The following CACNA1E variants were observed in gnomAD, a reference collection of about 807,000 sequenced individuals.
CACNA1E encodes the protein calcium voltage-gated channel subunit alpha1 E, also known as voltage-dependent R-type calcium channel subunit alpha-1E.
A neutral mutation model predicts 259.2 loss-of-function variants in CACNA1E; 40 were observed. The observed-to-expected ratio is 0.15, with a 90% CI of 0.12 to 0.20. CACNA1E has a LOEUF of 0.20. Ranked by LOEUF, CACNA1E falls within the 10% of genes least tolerant of loss-of-function variation. CACNA1E has a pLI of 1.00. For synonymous variants in CACNA1E, 1,104 were observed against 1,138.5 expected (o/e 0.97, Z 0.61); for missense variants, 1,874 against 3,040.1 (o/e 0.62, Z 9.02).
At chr1:181,795,485 G>A (rs1661709299) in intron 46 of CACNA1E, among the ~76,000 whole-genome samples, 2 of 151,708 alleles carry the variant, frequency 1.3e-5, no homozygotes, top group African/African-American at 4.8e-5. Flanking sequence ...CTGCAGCACA[G>A]GCTAGAGTGC....
chr1:181,682,807 C>G (rs1227662684), intron 7 of CACNA1E, among the ~76,000 whole-genome samples: 1 of 152,166 alleles, frequency 6.6e-6, no homozygotes, highest in South Asian at 2.1e-4. Flanking sequence ...CTCATGAGAA[C>G]TTACTATCAC....
intron 2 of CACNA1E, among the ~76,000 whole-genome samples, chr1:181,451,715 A>G (rs910977518): frequency 2.0e-5 from 3 of 152,214 alleles, no homozygotes; most frequent in South Asian, 4.2e-4. Context: ...AAATAAAGTC[A>G]TAGCTAGCAA....
At chr1:181,755,167 A>G in intron 27 of CACNA1E, 70 bp from the exon 28 acceptor site, 2 of 1,342,096 alleles carry the variant, frequency 1.5e-6, no homozygotes, top group Non-Finnish European at 2.1e-6. Flanking sequence ...GGTATGGCCC[A>G]GCTCGGCTCT....
intron 25 of CACNA1E, among the ~76,000 whole-genome samples, chr1:181,747,178 T>G (rs1354322717): frequency 2.0e-5 from 3 of 152,088 alleles, no homozygotes; most frequent in Non-Finnish European, 4.4e-5. Context: ...CCTGAGCTAT[T>G]CCCCGCTCAT....
rs767609991 is a variant in CACNA1E, at chr1:181,691,692, A to G, written c.1056-19262A>G. 6.5e-4 allele frequency among the ~76,000 whole-genome samples: 99 copies of G among 152,182 alleles called. 2 individuals carry two copies. The highest frequency in any genetic ancestry group is 2.0e-4 in the Admixed American group (3 of 15,274). Reference sequence around the variant, plus strand: ...CTCAAAATAATAAGAGCCAGCTGTGACAAACTCACAGCCAACATCATACTG... The same window carrying G: ...CTCAAAATAATAAGAGCCAGCTGTGGCAAACTCACAGCCAACATCATACTG... On this transcript the variant is annotated intron_variant, in intron 7 of 47. Transcript: ENST00000367573.
In CACNA1E at chr1:181,772,294, A is replaced by C. The variant is rs967070006; in HGVS notation, c.5139+63A>C. 2.0e-6 allele frequency: 3 copies of C among 1,508,260 alleles called. No homozygotes were observed. In the African/African-American group the frequency reaches 4.1e-5, roughly 21 times the overall value. The allele number at this position is 1,508,260 out of a possible 1,614,324, so 93.4% of individuals were successfully genotyped here. The stretch of plus-strand genomic sequence containing the variant: ...ATCCCATCCTACCCCTAACCCTCTG[A>C]TACATAGACCGGAGATGTTTGCTTC... On this transcript the variant is annotated intron_variant, in intron 37 of 47. Coordinates refer to ENST00000367573, the MANE Select transcript of CACNA1E (RefSeq NM_001205293.3).
At chr1:181,579,913 G>T (rs1270213508) in intron 5 of CACNA1E, among the ~76,000 whole-genome samples, 11 of 152,164 alleles carry the variant, frequency 7.2e-5, no homozygotes. Flanking sequence ...CTCTGAGCTT[G>T]GTTTGCAAGT....
At chr1:181,387,584 A>C (rs1219720770) in intron 1 of CACNA1E, among the ~76,000 whole-genome samples, 4 of 152,192 alleles carry the variant, frequency 2.6e-5, no homozygotes, top group African/African-American at 9.6e-5. Context: ...GTGTGGCAGC[A>C]GAAGGCCCAC....
chr1:181,750,457 C>A lies in CACNA1E; in HGVS notation c.3720-19C>A. The A allele has an allele frequency of 6.2e-7, 1 of 1,612,434 alleles. No individual in the cohort carries two copies. The highest frequency in any genetic ancestry group is 1.3e-5 in the African/African-American group (1 of 75,052). ...TTTTATTTTGATTTTCTACTGCTCTCTGATTGGATCCTCCATAGGAACGCT... is the reference window on the plus strand; with the variant it reads ...TTTTATTTTGATTTTCTACTGCTCTATGATTGGATCCTCCATAGGAACGCT... On this transcript the variant is annotated intron_variant, in intron 25 of 47. Transcript: ENST00000367573.
chr1:181,738,470 G>T (rs1375199734), intron 24 of CACNA1E, 44 bp downstream of exon 24: 1 of 1,474,882 alleles, frequency 6.8e-7, no homozygotes, highest in African/African-American at 1.4e-5. Context: ...GTTTAGATGG[G>T]TCACCTGTCT....
intron 3 of CACNA1E, among the ~76,000 whole-genome samples, chr1:181,516,180 A>G (rs1343121591): frequency 6.6e-6 from 1 of 152,050 alleles, no homozygotes; most frequent in Non-Finnish European, 1.5e-5. Context: ...TTCCTGGGTG[A>G]TAAGGGCAGA....
chr1:181,318,509 G>T (rs1336225746), intron 1 of CACNA1E, among the ~76,000 whole-genome samples: 2 of 152,220 alleles, frequency 1.3e-5, no homozygotes, highest in Admixed American at 1.3e-4. Flanking sequence ...GCGCCGCCGG[G>T]GAGCGGAGCC....
At chr1:181,326,646 G>C (rs1035848692) in intron 1 of CACNA1E, among the ~76,000 whole-genome samples, 4 of 152,058 alleles carry the variant, frequency 2.6e-5, no homozygotes, top group African/African-American at 9.7e-5. Context: ...TCGTATGCTG[G>C]TGACTTCCAA....
At chr1:181,554,774 C>G (rs1345378647) in intron 3 of CACNA1E, among the ~76,000 whole-genome samples, 1 of 152,172 alleles carries the variant, frequency 6.6e-6, no homozygotes, top group Non-Finnish European at 1.5e-5. Flanking sequence ...TGTTTGGAAT[C>G]AAGACATTTG....
intron 11 of CACNA1E, among the ~76,000 whole-genome samples, chr1:181,717,694 A>T (rs1302110619): frequency 6.6e-6 from 1 of 152,148 alleles, no homozygotes; most frequent in Non-Finnish European, 1.5e-5. Flanking sequence ...TTAGACTGCC[A>T]CTGGGTGTGA....
intron 7 of CACNA1E, among the ~76,000 whole-genome samples, chr1:181,697,517 C>T (rs1651830506): frequency 6.6e-6 from 1 of 152,170 alleles, no homozygotes; most frequent in Non-Finnish European, 1.5e-5. Flanking sequence ...CCACATCTTC[C>T]AGCTGCAAAA....
chr1:181,606,137 A>T (rs1460085354), intron 6 of CACNA1E, among the ~76,000 whole-genome samples: 1 of 151,926 alleles, frequency 6.6e-6, no homozygotes, highest in Non-Finnish European at 1.5e-5. Context: ...AAGTCTCTTG[A>T]CTATACACCA....
intron 1 of CACNA1E, among the ~76,000 whole-genome samples, chr1:181,376,170 AC>A (rs1409403577): frequency 6.6e-6 from 1 of 152,202 alleles, no homozygotes; most frequent in Non-Finnish European, 1.5e-5. Flanking sequence ...CATGGTAGAA[AC>A]CTAAGGTGGC....
rs547545941 is a variant in CACNA1E at position 181,399,566 on chromosome 1, A to G, written c.-14-13567A>G. The stretch of plus-strand genomic sequence containing the variant: ...GTGGGGGAAAGAGGGTGGTAATGAA[A>G]TAGTGAAATCCCTGTCAACGGAGGT... On this transcript the variant is annotated intron_variant, in intron 1 of 11. Coordinates refer to the CACNA1E transcript ENST00000524607. Among the ~76,000 whole-genome samples the G allele has an allele frequency of 5.2e-4, 79 of 152,288 alleles. 1 individual carries two copies. The South Asian group carries it at 0.016, about 31-fold the overall frequency.
Sources: allele counts gnomAD v4.1 joint callset (sites outside exome capture counted in the v4.1 genomes callset), GRCh38; gene constraint gnomAD v4.1.1; transcripts MANE v1.5; gene names NCBI Gene and HGNC (gene_info 2026-07-23, HGNC 2026-07-21).